Variants in ARHGEF3 observed in about 807,000 individuals in gnomAD.
The protein encoded by ARHGEF3 is Rho guanine nucleotide exchange factor 3, also known as 59.8 kDA protein.
Under a neutral mutation model 63.2 loss-of-function variants are expected in ARHGEF3, and 28 were observed. The observed-to-expected ratio is 0.44, with a 90% CI of 0.33 to 0.61. The LOEUF (loss-of-function observed/expected upper bound fraction) is 0.61, where lower values mean the gene tolerates loss of function less well. Ranked by LOEUF, ARHGEF3 falls within the 20% of genes least tolerant of loss-of-function variation. ARHGEF3 has a pLI of 0.03. For missense variants in ARHGEF3, 533 were observed against 659.3 expected (o/e 0.81, Z 2.10); for synonymous variants, 266 against 254.2 (o/e 1.05, Z -0.44).
rs966788104 is a variant in ARHGEF3, at chr3:56,748,012, G to A, written c.613-2550C>T. On this transcript the variant is annotated intron_variant, in intron 6 of 9. Coordinates refer to ENST00000296315, the MANE Select transcript of ARHGEF3 (RefSeq NM_019555.3). ...TTGGCTTCTGATATAGAATCAGTAA[G>A]TACTAGCTATTATTACTTGTCCCAA... 1.4e-4 allele frequency among the ~76,000 whole-genome samples: 21 copies of A among 152,204 alleles called. 1 individual carries two copies. Among genetic ancestry groups the A allele is most frequent in the Admixed American group, 2.6e-4 (4 of 15,280 alleles).
At chr3:56,888,063 C>G (rs2040981533) in intron 3 of ARHGEF3, among the ~76,000 whole-genome samples, 1 of 151,624 alleles carries the variant, frequency 6.6e-6, no homozygotes, top group Non-Finnish European at 1.5e-5. Flanking sequence ...GAGAAAAAAC[C>G]TGCCCATTCA....
At chr3:56,939,696 A>G (rs1020971595) in intron 3 of ARHGEF3, 5 of 152,242 alleles carry the variant, frequency 3.3e-5, no homozygotes, top group Admixed American at 6.5e-5. Context: ...AAAAAAATCA[A>G]TAACTAAATG....
chr3:56,887,269 T>C (rs979193390), intron 3 of ARHGEF3, among the ~76,000 whole-genome samples: 1 of 152,150 alleles, frequency 6.6e-6, no homozygotes, highest in Non-Finnish European at 1.5e-5. Flanking sequence ...ATTAGCAACA[T>C]GTGCTGGGGA....
chr3:56,848,778 C>T (rs2039574232), intron 4 of ARHGEF3, among the ~76,000 whole-genome samples: 1 of 152,182 alleles, frequency 6.6e-6, no homozygotes, highest in Non-Finnish European at 1.5e-5. Context: ...AGCAATTCTC[C>T]TGCCTCAGCT....
At chr3:56,882,374 A>C in intron 3 of ARHGEF3, 2 of 1,551,290 alleles carry the variant, frequency 1.3e-6, no homozygotes, top group Non-Finnish European at 1.7e-6. Context: ...AAACGAAAAA[A>C]CAAAGTTCAA....
intron 3 of ARHGEF3, among the ~76,000 whole-genome samples, chr3:56,918,917 A>G (rs960082927): frequency 2.0e-5 from 3 of 152,218 alleles, no homozygotes; most frequent in Non-Finnish European, 4.4e-5. Flanking sequence ...GAAGTATATA[A>G]AGTAAAAAGT....
rs112908103 is a variant in ARHGEF3, at chr3:56,973,836, G to A, written c.63-14947C>T. On this transcript the variant is annotated intron_variant, in intron 2 of 12. Coordinates refer to the ARHGEF3 transcript ENST00000338458. ...TATTCATATAAAATACAAATTGACA[G>A]AGAGCTTAGGTATTGGTCAGTCCAC... Among the ~76,000 whole-genome samples the A allele has an allele frequency of 3.8e-3, 572 of 152,304 alleles. 4 individuals are homozygous for A. The highest frequency in any genetic ancestry group is 0.013 in the African/African-American group (542 of 41,556).
chr3:56,792,831 T>A (rs960865463), intron 1 of ARHGEF3, among the ~76,000 whole-genome samples: 7 of 151,716 alleles, frequency 4.6e-5, no homozygotes, highest in Admixed American at 1.3e-4. Flanking sequence ...TTTTTTTTTT[T>A]AAATAGAGAC....
chr3:56,996,894 T>TATTATTATTATTA (rs201057893), intron 2 of ARHGEF3, among the ~76,000 whole-genome samples: 3,873 of 147,170 alleles, frequency 0.026, 73 homozygotes, highest in African/African-American at 0.042. Flanking sequence ...ATTATTATTT[T>TATTATTATTATTA]TTTTTTTTTT....
intron 6 of ARHGEF3, among the ~76,000 whole-genome samples, chr3:56,745,816 C>A (rs987739935): frequency 2.6e-5 from 4 of 152,118 alleles, no homozygotes; most frequent in Non-Finnish European, 5.9e-5. Context: ...GGACTACAGG[C>A]GCCCGCCACC....
intron 3 of ARHGEF3, among the ~76,000 whole-genome samples, chr3:56,885,925 C>T (rs2040911373): frequency 6.6e-6 from 1 of 152,194 alleles, no homozygotes; most frequent in Non-Finnish European, 1.5e-5. Flanking sequence ...ACGAAAATTT[C>T]ACAAACCATC....
At chr3:57,055,104 C>T (rs1240380391) in intron 1 of ARHGEF3, among the ~76,000 whole-genome samples, 1 of 150,874 alleles carries the variant, frequency 6.6e-6, no homozygotes, top group East Asian at 1.9e-4. Context: ...TTAATGGTGT[C>T]TCTTGAAGAA....
chr3:56,754,867 T>C lies in ARHGEF3; in HGVS notation c.375+114A>G, dbSNP rs1221998019. On this transcript the variant is annotated intron_variant, in intron 3 of 9. Coordinates refer to ENST00000296315, the MANE Select transcript of ARHGEF3 (RefSeq NM_019555.3). The stretch of plus-strand genomic sequence containing the variant: ...GGTCAGACACTCTTGTTTATCCTTC[T>C]GCAAACGCAATGAAGAATTGATTTG... 1.1e-5 allele frequency: 15 copies of C among 1,398,788 alleles called. No individual in the cohort carries two copies. In the Admixed American group the frequency reaches 1.6e-4, roughly 15 times the overall value. 86.6% of individuals were successfully genotyped at this position (1,398,788 alleles called of 1,614,324 possible).
rs10530565 is a variant in ARHGEF3 at position 56,736,049 on chromosome 3, A to AACACAC, written c.1041+1130_1041+1135dup. Among the ~76,000 whole-genome samples, 1,156 of 147,166 alleles carry AACACAC rather than the reference A, an allele frequency of 7.9e-3. 20 individuals carry two copies. Among genetic ancestry groups the AACACAC allele is most frequent in the African/African-American group, 0.026 (1,032 of 40,380 alleles). ...ATGGCTATCTCAACACAGAAATTTA[A>AACACAC]ACACACACACACACACACACACACA... On this transcript the variant is annotated intron_variant, in intron 8 of 9. Transcript: ENST00000296315.
chr3:56,836,490 C>G (rs1279096023), intron 4 of ARHGEF3, among the ~76,000 whole-genome samples: 1 of 152,222 alleles, frequency 6.6e-6, no homozygotes, highest in Non-Finnish European at 1.5e-5. Context: ...CACACACCCA[C>G]AGAGTCCCTA....
At chr3:56,873,432 T>C (rs1248950695) in intron 4 of ARHGEF3, among the ~76,000 whole-genome samples, 4 of 152,172 alleles carry the variant, frequency 2.6e-5, no homozygotes, top group Non-Finnish European at 5.9e-5. Flanking sequence ...TTCCCCTCTA[T>C]GTGTCCATGT....
chr3:56,923,349 TA>T (rs2042200886), intron 3 of ARHGEF3, among the ~76,000 whole-genome samples: 1 of 152,074 alleles, frequency 6.6e-6, no homozygotes, highest in Non-Finnish European at 1.5e-5. Flanking sequence ...AGTAATAATT[TA>T]TTTTTTTTCA....
At chr3:56,907,876 G>A (rs1321172378) in intron 3 of ARHGEF3, among the ~76,000 whole-genome samples, 1 of 152,156 alleles carries the variant, frequency 6.6e-6, no homozygotes, top group African/African-American at 2.4e-5. Context: ...GAGGGTGGAG[G>A]GTGGGAGGAC....
chr3:56,862,145 G>T (rs2040097887), intron 4 of ARHGEF3, among the ~76,000 whole-genome samples: 1 of 150,824 alleles, frequency 6.6e-6, no homozygotes, highest in African/African-American at 2.4e-5. Context: ...AAAAGGAATG[G>T]TATGGAGGTA....
Sources: gnomAD v4.1 joint callset for allele counts (sites outside exome capture counted in the v4.1 genomes callset) on GRCh38, gnomAD v4.1.1 for gene constraint, MANE v1.5 for transcripts, NCBI Gene and HGNC (gene_info 2026-07-23, HGNC 2026-07-21) for gene names.